Variants in LRMDA observed in about 807,000 individuals in gnomAD.
LRMDA encodes the protein leucine-rich melanocyte differentiation-associated protein.
A neutral mutation model predicts 29.8 loss-of-function variants in LRMDA; 18 were observed. The ratio of observed to expected loss-of-function variants is 0.60; its 90% confidence interval spans 0.42 to 0.90. The LOEUF (loss-of-function observed/expected upper bound fraction) is 0.90, where lower values mean the gene tolerates loss of function less well. Ranked by LOEUF, LRMDA falls within the 40% of genes least tolerant of loss-of-function variation. The pLI is 0.00. For missense variants in LRMDA, 273 were observed against 273.9 expected (o/e 1.00, Z 0.02); for synonymous variants, 125 against 109.4 (o/e 1.14, Z -0.89).
chr10:76,463,727 T>C (rs1423185390), intron 6 of LRMDA, among the ~76,000 whole-genome samples: 2 of 152,124 alleles, frequency 1.3e-5, no homozygotes, highest in African/African-American at 4.8e-5. Flanking sequence ...TCTGCTTCAC[T>C]GCTTTGTTCT....
At chr10:76,145,429 G>C (rs1362735297) in intron 5 of LRMDA, among the ~76,000 whole-genome samples, 1 of 152,048 alleles carries the variant, frequency 6.6e-6, no homozygotes, top group East Asian at 1.9e-4. Context: ...GAGGGTGTAT[G>C]TGTCAAGGAA....
chr10:75,513,813 ACT>A (rs953386702), intron 2 of LRMDA, among the ~76,000 whole-genome samples: 8 of 151,884 alleles, frequency 5.3e-5, no homozygotes, highest in African/African-American at 1.7e-4. Flanking sequence ...AATCCAGGAC[ACT>A]CTCCCTATCT....
chr10:76,027,102 C>T (rs1848075110), intron 2 of LRMDA, among the ~76,000 whole-genome samples: 1 of 152,206 alleles, frequency 6.6e-6, no homozygotes, highest in Admixed American at 6.5e-5. Flanking sequence ...CTGTCTCAAT[C>T]ACTGTTTCTT....
At chr10:76,190,662 G>A (rs1226585020) in intron 5 of LRMDA, among the ~76,000 whole-genome samples, 4 of 152,112 alleles carry the variant, frequency 2.6e-5, no homozygotes, top group African/African-American at 9.7e-5. Context: ...GAATGTTGGT[G>A]GCAATATAGA....
intron 2 of LRMDA, among the ~76,000 whole-genome samples, chr10:75,630,983 C>A (rs1003998714): frequency 6.6e-6 from 1 of 152,194 alleles, no homozygotes. Context: ...CCTCGTCCCT[C>A]ATGTTTGGTT....
At chr10:75,675,576 G>A (rs1007890140) in intron 2 of LRMDA, among the ~76,000 whole-genome samples, 1 of 152,146 alleles carries the variant, frequency 6.6e-6, no homozygotes, top group Non-Finnish European at 1.5e-5. Context: ...TACGAAGCTA[G>A]GTCTTTTTTG....
chr10:76,040,215 G>A (rs923706434), intron 3 of LRMDA, among the ~76,000 whole-genome samples: 3 of 152,144 alleles, frequency 2.0e-5, no homozygotes, highest in Admixed American at 6.5e-5. Flanking sequence ...TCAGCATCCT[G>A]AGCCTGCCTC....
At chr10:75,993,316 G>C (rs1316552219) in intron 2 of LRMDA, among the ~76,000 whole-genome samples, 1 of 151,940 alleles carries the variant, frequency 6.6e-6, no homozygotes, top group African/African-American at 2.4e-5. Flanking sequence ...GGAGGAGGAG[G>C]AGGAGGATAC....
chr10:76,381,801 T>G (rs781473706), intron 6 of LRMDA, among the ~76,000 whole-genome samples: 2 of 152,212 alleles, frequency 1.3e-5, no homozygotes, highest in African/African-American at 4.8e-5. Flanking sequence ...TCTTGTATTG[T>G]CCTGTGAAGT....
At chr10:76,444,751 A>T (rs185769143) in intron 6 of LRMDA, among the ~76,000 whole-genome samples, 12 of 152,288 alleles carry the variant, frequency 7.9e-5, no homozygotes, top group African/African-American at 2.6e-4. Context: ...AACTCTCTAA[A>T]ATGCTTAGGC....
At chr10:75,746,186 G>A (rs1842888222) in intron 2 of LRMDA, among the ~76,000 whole-genome samples, 1 of 152,194 alleles carries the variant, frequency 6.6e-6, no homozygotes, top group Non-Finnish European at 1.5e-5. Flanking sequence ...GCCATGCCAT[G>A]TTTTATATAG....
At chr10:75,519,595 C>T (rs1333233868) in intron 2 of LRMDA, among the ~76,000 whole-genome samples, 1 of 152,136 alleles carries the variant, frequency 6.6e-6, no homozygotes, top group African/African-American at 2.4e-5. Flanking sequence ...AGATGGGTCT[C>T]CTGAATACAG....
intron 2 of LRMDA, among the ~76,000 whole-genome samples, chr10:75,633,203 T>A (rs1440108130): frequency 6.6e-6 from 1 of 152,184 alleles, no homozygotes; most frequent in Non-Finnish European, 1.5e-5. Flanking sequence ...GTTCTTTCTC[T>A]CTAGTGGCCA....
At chr10:76,169,725 GTGT>G (rs1850801652) in intron 5 of LRMDA, among the ~76,000 whole-genome samples, 2 of 152,180 alleles carry the variant, frequency 1.3e-5, no homozygotes, top group African/African-American at 4.8e-5. Context: ...ACCAAGTTCA[GTGT>G]TTTCAAGGTT....
chr10:76,150,762 C>T (rs746326933), intron 5 of LRMDA, among the ~76,000 whole-genome samples: 4 of 152,194 alleles, frequency 2.6e-5, no homozygotes, highest in African/African-American at 7.2e-5. Context: ...GGATAGCGAA[C>T]ACACTTAACG....
intron 5 of LRMDA, among the ~76,000 whole-genome samples, chr10:76,323,101 A>C (rs116147505): frequency 0.016 from 2,456 of 152,188 alleles, 63 homozygotes; most frequent in African/African-American, 0.056. Flanking sequence ...CTTGGATCCA[A>C]ATTTAAACAC....
At chr10:75,831,087 C>T (rs1844334563) in intron 2 of LRMDA, among the ~76,000 whole-genome samples, 1 of 152,034 alleles carries the variant, frequency 6.6e-6, no homozygotes, top group African/African-American at 2.4e-5. Flanking sequence ...CTCTTGTCGC[C>T]TAGGCTGGAG....
At chr10:76,183,565 G>A (rs567831197) in intron 5 of LRMDA, among the ~76,000 whole-genome samples, 45 of 152,244 alleles carry the variant, frequency 3.0e-4, no homozygotes, top group Admixed American at 7.8e-4. Flanking sequence ...TTGGGACAAC[G>A]TCACCACTGG....
intron 2 of LRMDA, among the ~76,000 whole-genome samples, chr10:75,488,578 G>T (rs946757172): frequency 2.4e-4 from 36 of 151,870 alleles, no homozygotes; most frequent in African/African-American, 8.0e-4. Context: ...TAGCATTGTT[G>T]TTTTTTTCTT....
Sources: gnomAD v4.1 joint callset for allele counts (sites outside exome capture counted in the v4.1 genomes callset) on GRCh38, gnomAD v4.1.1 for gene constraint, MANE v1.5 for transcripts, NCBI Gene and HGNC (gene_info 2026-07-23, HGNC 2026-07-21) for gene names.